The following BABAM2 variants were observed in gnomAD, a reference collection of about 807,000 sequenced individuals.
BABAM2 encodes the protein BRISC and BRCA1-A complex member 2.
BABAM2 carries 31 observed loss-of-function variants against 54.7 expected under a neutral mutation model. The observed-to-expected ratio is 0.57, with a 90% CI of 0.43 to 0.77. BABAM2 has a LOEUF of 0.77. Among genes scored for constraint, BABAM2 ranks in the 30% least tolerant of loss-of-function variants. The probability of loss-of-function intolerance (pLI) is 0.00; values close to 1 mark genes in which losing one functional copy is unlikely to be tolerated. For missense variants in BABAM2, 364 were observed against 455.8 expected (o/e 0.80, Z 1.83); for synonymous variants, 167 against 162.9 (o/e 1.03, Z -0.19).
At chr2:27,993,829 T>G (rs1244619177) in intron 4 of BABAM2, among the ~76,000 whole-genome samples, 1 of 152,124 alleles carries the variant, frequency 6.6e-6, no homozygotes, top group African/African-American at 2.4e-5. Context: ...CCTTGTCACT[T>G]TTCCTCCTGT....
intron 7 of BABAM2, among the ~76,000 whole-genome samples, chr2:28,203,428 G>A (rs1678493766): frequency 6.6e-6 from 1 of 152,156 alleles, no homozygotes; most frequent in South Asian, 2.1e-4. Flanking sequence ...TTGTGTGAGG[G>A]TGGGTGTCTC....
intron 7 of BABAM2, among the ~76,000 whole-genome samples, chr2:28,199,966 TG>T (rs1678084293): frequency 6.6e-6 from 1 of 152,220 alleles, no homozygotes; most frequent in Non-Finnish European, 1.5e-5. Context: ...TCATTTTGAA[TG>T]TGTTAATGAA....
At chr2:28,265,133 C>T (rs1459338038) in intron 10 of BABAM2, among the ~76,000 whole-genome samples, 2 of 152,082 alleles carry the variant, frequency 1.3e-5, no homozygotes, top group Non-Finnish European at 2.9e-5. Context: ...CAGCCTCAGT[C>T]TCCCTATATA....
chr2:28,306,995 C>CTTTTTT (rs143177903), intron 11 of BABAM2, among the ~76,000 whole-genome samples: 3 of 26,396 alleles, frequency 1.1e-4, no homozygotes, highest in Admixed American at 5.7e-4. Flanking sequence ...CACACCTGGC[C>CTTTTTT]TTTTTTTTTT....
At chr2:28,211,840 A>T (rs1400323442) in intron 7 of BABAM2, among the ~76,000 whole-genome samples, 1 of 152,234 alleles carries the variant, frequency 6.6e-6, no homozygotes, top group African/African-American at 2.4e-5. Context: ...TACTGATATT[A>T]TATATAACAA....
rs1178924250 is a variant in BABAM2 at position 27,929,859 on chromosome 2, C to A, written c.156C>A (p.Asn52Lys). 3 of 1,613,804 alleles carry A rather than the reference C, an allele frequency of 1.9e-6. No homozygotes were observed. Among genetic ancestry groups the A allele is most frequent in the South Asian group, 2.2e-5 (2 of 91,074 alleles). Residue 52 changes from asparagine to lysine, a missense_variant, in exon 3 of 12, where the codon AAC (asparagine) becomes AAA (lysine). Transcript: ENST00000379624. ...GCACATCATTGACTCCTGGGCCCAA[C>A]TGTGACCGATTTAAACTGCACATAC... Reference protein sequence around the residue: ...SGCTSLTPGPNCDRFKLHIPY... With the variant: ...SGCTSLTPGPKCDRFKLHIPY...
intron 5 of BABAM2, among the ~76,000 whole-genome samples, chr2:28,037,713 T>C (rs998049561): frequency 6.6e-6 from 1 of 152,192 alleles, no homozygotes; most frequent in Non-Finnish European, 1.5e-5. Context: ...GTCAACAGTA[T>C]ATTAAAATAT....
chr2:28,258,091 C>A (rs1016941011), intron 10 of BABAM2, among the ~76,000 whole-genome samples: 1 of 151,822 alleles, frequency 6.6e-6, no homozygotes, highest in South Asian at 2.1e-4. Context: ...GCAGGAGAAA[C>A]GCTTGAACCC....
intron 7 of BABAM2, among the ~76,000 whole-genome samples, chr2:28,232,087 C>T (rs893596703): frequency 7.2e-5 from 11 of 152,082 alleles, no homozygotes; most frequent in African/African-American, 2.7e-4. Context: ...ATTACAGGCC[C>T]AAGCCACTGT....
intron 6 of BABAM2, among the ~76,000 whole-genome samples, chr2:28,059,833 G>C (rs1678718979): frequency 6.6e-6 from 1 of 152,154 alleles, no homozygotes; most frequent in Non-Finnish European, 1.5e-5. Context: ...AGAAGAAGTA[G>C]ATAATTTGGA....
At chr2:28,280,658 C>T (rs139216874) in intron 10 of BABAM2, among the ~76,000 whole-genome samples, 64 of 152,318 alleles carry the variant, frequency 4.2e-4, no homozygotes, top group South Asian at 2.5e-3. Flanking sequence ...CCTCCTGATC[C>T]GTGCTGGTGC....
At chr2:28,041,153 C>G (rs1343992434) in intron 5 of BABAM2, among the ~76,000 whole-genome samples, 1 of 152,124 alleles carries the variant, frequency 6.6e-6, no homozygotes, top group East Asian at 1.9e-4. Flanking sequence ...CTTTTAAAAT[C>G]CTACATTTCA....
rs1488888022 is a variant in BABAM2 at position 28,026,782 on chromosome 2, TATAA to T, written c.495+1366_495+1369del. On this transcript the variant is annotated intron_variant, in intron 5 of 11. Coordinates refer to ENST00000379624, the MANE Select transcript of BABAM2 (RefSeq NM_199191.3). ...ATATCTATATAAATATATAAAAAAA[TATAA>T]ATATATATTTATATAAAAAATATAT... 8.3e-5 allele frequency among the ~76,000 whole-genome samples: 8 copies of T among 96,866 alleles called. 1 individual carries two copies. Among genetic ancestry groups the T allele is most frequent in the African/African-American group, 3.3e-4 (8 of 24,498 alleles). The allele number at this position is 96,866 out of a possible 152,430, so 63.5% of individuals were successfully genotyped here.
At chr2:28,142,912 T>A (rs536826460) in intron 7 of BABAM2, among the ~76,000 whole-genome samples, 1 of 152,272 alleles carries the variant, frequency 6.6e-6, no homozygotes, top group Admixed American at 6.5e-5. Flanking sequence ...ATGAAAACCC[T>A]TCAGAATATT....
intron 6 of BABAM2, among the ~76,000 whole-genome samples, chr2:28,058,823 G>A (rs6740787): frequency 0.04 from 6,044 of 152,066 alleles, 399 homozygotes; most frequent in African/African-American, 0.14. Flanking sequence ...TTTTGTATGT[G>A]TTTTAAAAGA....
intron 6 of BABAM2, among the ~76,000 whole-genome samples, chr2:28,103,090 T>A (rs979123173): frequency 6.6e-6 from 1 of 152,010 alleles, no homozygotes; most frequent in African/African-American, 2.4e-5. Flanking sequence ...TATCTTTCAT[T>A]TTAGAGTATT....
At chr2:28,026,843 AAT>A (rs1207458158) in intron 5 of BABAM2, among the ~76,000 whole-genome samples, 1 of 40,650 alleles carries the variant, frequency 2.5e-5, no homozygotes, top group African/African-American at 1.0e-4. Context: ...AATATATATA[AAT>A]ATATATTTAT....
intron 7 of BABAM2, among the ~76,000 whole-genome samples, chr2:28,156,909 A>G (rs1325136816): frequency 6.6e-6 from 1 of 152,250 alleles, no homozygotes; most frequent in Non-Finnish European, 1.5e-5. Flanking sequence ...ATGGGAAAAT[A>G]TGATTCACCA....
chr2:27,910,197 G>A (rs994245839), intron 2 of BABAM2, among the ~76,000 whole-genome samples: 1 of 152,178 alleles, frequency 6.6e-6, no homozygotes, highest in Non-Finnish European at 1.5e-5. Context: ...CATAACAGCT[G>A]TGTCTCCACC....
Sources: allele counts gnomAD v4.1 joint callset (sites outside exome capture counted in the v4.1 genomes callset), GRCh38; gene constraint gnomAD v4.1.1; transcripts MANE v1.5; gene names NCBI Gene and HGNC (gene_info 2026-07-23, HGNC 2026-07-21).